Variants in CCDC28A observed in about 807,000 individuals in gnomAD.
The protein encoded by CCDC28A is coiled-coil domain containing 28A, also known as coiled-coil domain-containing protein 28A.
A neutral mutation model predicts 22.1 loss-of-function variants in CCDC28A; 24 were observed. The observed-to-expected ratio is 1.09, with a 90% confidence interval of 0.79 to 1.53. The LOEUF (loss-of-function observed/expected upper bound fraction) is 1.53. CCDC28A is among the 40% of genes most tolerant of loss of function. CCDC28A has a pLI of 0.00. For missense variants in CCDC28A, 170 were observed against 210.7 expected (o/e 0.81, Z 1.20); for synonymous variants, 83 against 74.7 (o/e 1.11, Z -0.57).
chr6:138,790,688 C>T (rs1411661815), intron 5 of CCDC28A, among the ~76,000 whole-genome samples: 2 of 152,208 alleles, frequency 1.3e-5, no homozygotes, highest in African/African-American at 4.8e-5. Flanking sequence ...AAACTTTCCC[C>T]TCCTAATTTC....
At chr6:138,784,842 C>G (rs1318407939) in intron 3 of CCDC28A, among the ~76,000 whole-genome samples, 1 of 151,924 alleles carries the variant, frequency 6.6e-6, no homozygotes, top group Non-Finnish European at 1.5e-5. Context: ...TACAGGCACG[C>G]ACCACCATGC....
At chr6:138,779,521 A>G (rs907760011) in intron 2 of CCDC28A, among the ~76,000 whole-genome samples, 1 of 152,232 alleles carries the variant, frequency 6.6e-6, no homozygotes, top group Non-Finnish European at 1.5e-5. Flanking sequence ...AATGAAATGT[A>G]AAGCATAGGA....
In CCDC28A at chr6:138,773,949, C is replaced by T. The variant is rs549384713; in HGVS notation, c.-43+47C>T. On this transcript the variant is annotated intron_variant, in intron 1 of 5. Transcript: ENST00000617445. ...ACCTCCGCAACCTGCCCCTTTAGGC[C>T]CTTCCCACCACTCTGGTCACTGCTG... 27 of 1,599,652 alleles carry T rather than the reference C, an allele frequency of 1.7e-5. 1 individual carries two copies. In the South Asian group the frequency reaches 2.6e-4, roughly 16 times the overall value.
intron 4 of CCDC28A, among the ~76,000 whole-genome samples, chr6:138,787,633 C>T (rs1015810321): frequency 3.3e-5 from 5 of 151,846 alleles, no homozygotes; most frequent in Non-Finnish European, 7.4e-5. Context: ...GTTATTATGC[C>T]TGGTTTTAGG....
At chr6:138,776,028 C>A in intron 1 of CCDC28A, 51 bp from the exon 2 acceptor site, 2 of 1,435,348 alleles carry the variant, frequency 1.4e-6, no homozygotes, top group Non-Finnish European at 2.0e-6. Flanking sequence ...GAATTTCTTT[C>A]ATGTTTGCAT....
At chr6:138,774,891 T>G (rs1774903357) in intron 1 of CCDC28A, among the ~76,000 whole-genome samples, 1 of 152,256 alleles carries the variant, frequency 6.6e-6, no homozygotes, top group African/African-American at 2.4e-5. Context: ...ATAATGAAGT[T>G]AAGAAAAATT....
At chr6:138,783,594 C>T (rs1185413024) in intron 3 of CCDC28A, among the ~76,000 whole-genome samples, 5 of 152,056 alleles carry the variant, frequency 3.3e-5, no homozygotes, top group African/African-American at 7.2e-5. Context: ...CCCACCACCA[C>T]GCCCGGCTAA....
chr6:138,785,346 G>T lies in CCDC28A; in HGVS notation c.442G>T (p.Ala148Ser). 6.2e-7 allele frequency: 1 copy of T among 1,613,688 alleles called. No homozygotes were observed. Among genetic ancestry groups the T allele is most frequent in the Non-Finnish European group, 8.5e-7 (1 of 1,179,654 alleles). Reference sequence around the variant, plus strand: ...ACTTCCTGAGGATAAGAGAAAAACAGCCAGTGACTCCAATCTGGATAGGCT... The same window carrying T: ...ACTTCCTGAGGATAAGAGAAAAACATCCAGTGACTCCAATCTGGATAGGCT... ...EELPEDKRKT[A>S]SDSNLDRLLS... Residue 148 changes from alanine (A) to serine (S), a missense_variant, in exon 4 of 6, where the codon GCC becomes TCC. Transcript: ENST00000617445.
At chr6:138,781,477 G>C (rs999817895) in intron 3 of CCDC28A, among the ~76,000 whole-genome samples, 3 of 152,166 alleles carry the variant, frequency 2.0e-5, no homozygotes, top group Non-Finnish European at 2.9e-5. Flanking sequence ...AACTTTAATA[G>C]AAGTATGCAG....
chr6:138,776,928 A>C (rs551981305), intron 2 of CCDC28A, among the ~76,000 whole-genome samples: 152 of 152,304 alleles, frequency 1.0e-3, no homozygotes, highest in African/African-American at 3.2e-3. Context: ...AAATGCAAAA[A>C]TTCTACCACC....
chr6:138,790,786 A>G (rs898407457), intron 5 of CCDC28A, among the ~76,000 whole-genome samples: 4 of 152,206 alleles, frequency 2.6e-5, no homozygotes, highest in African/African-American at 9.6e-5. Context: ...CTAATCAGAC[A>G]TGGCATTCTC....
At chr6:138,781,192 A>C (rs190855536) in intron 3 of CCDC28A, among the ~76,000 whole-genome samples, 2 of 152,306 alleles carry the variant, frequency 1.3e-5, no homozygotes, top group East Asian at 3.9e-4. Flanking sequence ...GCTTTCCTGC[A>C]CTAAAGAATA....
chr6:138,780,186 A>C (rs779855326), intron 3 of CCDC28A, among the ~76,000 whole-genome samples: 1 of 152,058 alleles, frequency 6.6e-6, no homozygotes, highest in Non-Finnish European at 1.5e-5. Flanking sequence ...TTTTTTTAAG[A>C]GGGAGGGTTA....
chr6:138,783,500 C>T (rs560800265), intron 3 of CCDC28A, among the ~76,000 whole-genome samples: 69 of 148,674 alleles, frequency 4.6e-4, no homozygotes, highest in Middle Eastern at 3.7e-3. Flanking sequence ...TGCAGTGGCG[C>T]GATCTCTGCT....
chr6:138,778,447 G>A (rs995688314), intron 2 of CCDC28A, among the ~76,000 whole-genome samples: 1 of 152,128 alleles, frequency 6.6e-6, no homozygotes, highest in Non-Finnish European at 1.5e-5. Context: ...ATATCGCAGT[G>A]CGCATAACAT....
chr6:138,781,116 G>A (rs72985051), intron 3 of CCDC28A, among the ~76,000 whole-genome samples: 4,798 of 152,106 alleles, frequency 0.032, 113 homozygotes, highest in Non-Finnish European at 0.041. Context: ...CAGTCCAGGT[G>A]TATATCCTTT....
chr6:138,790,420 G>T (rs1166769189), intron 5 of CCDC28A, among the ~76,000 whole-genome samples: 1 of 152,232 alleles, frequency 6.6e-6, no homozygotes, highest in African/African-American at 2.4e-5. Context: ...AAAGTGTTGG[G>T]ATTACAGGCA....
chr6:138,778,507 G>A (rs913276646), intron 2 of CCDC28A, among the ~76,000 whole-genome samples: 1 of 152,152 alleles, frequency 6.6e-6, no homozygotes. Flanking sequence ...TGTGTAATAA[G>A]GACTAGTTTA....
In CCDC28A at chr6:138,773,854, C is replaced by T. The variant is rs1562436954; in HGVS notation, c.-91C>T. The T allele has an allele frequency of 1.2e-6, 2 of 1,613,886 alleles. No homozygotes were observed. The highest frequency in any genetic ancestry group is 1.7e-4 in the Middle Eastern group (1 of 6,040). Reference sequence around the variant, plus strand: ...CTGCGGCGGTGGCTTCTGAGGCTGTCGGGTCTTTGCGGGTTGCGGAAGGGG... The same window carrying T: ...CTGCGGCGGTGGCTTCTGAGGCTGTTGGGTCTTTGCGGGTTGCGGAAGGGG... On this transcript the variant is annotated 5_prime_UTR_variant, in exon 1 of 6. Coordinates refer to ENST00000617445, the MANE Select transcript of CCDC28A (RefSeq NM_015439.3).
Sources: allele counts gnomAD v4.1 joint callset (sites outside exome capture counted in the v4.1 genomes callset), GRCh38; gene constraint gnomAD v4.1.1; transcripts MANE v1.5; gene names NCBI Gene and HGNC (gene_info 2026-07-23, HGNC 2026-07-21).